The following CSMD1 variants were observed in gnomAD, a reference collection of about 807,000 sequenced individuals.
The protein encoded by CSMD1 is CUB and sushi domain-containing protein 1.
A neutral mutation model predicts 417.5 loss-of-function variants in CSMD1; 213 were observed. The ratio of observed to expected loss-of-function variants is 0.51; its 90% confidence interval spans 0.46 to 0.57. The LOEUF (loss-of-function observed/expected upper bound fraction) is 0.57, where lower values mean the gene tolerates loss of function less well. CSMD1 is among the 20% of genes least tolerant of loss of function. The pLI is 0.00. For missense variants in CSMD1, 6,923 were observed against 4,529.7 expected, an observed-to-expected ratio of 1.53 and a Z score of -15.17; for synonymous variants, 2,862 against 1,736.8, an observed-to-expected ratio of 1.65 and a Z score of -16.11.
intron 2 of CSMD1, among the ~76,000 whole-genome samples, chr8:4,502,308 A>C (rs958365111): frequency 6.6e-6 from 1 of 152,150 alleles, no homozygotes. Flanking sequence ...CAGTCTTTAC[A>C]GTAATACGAG....
chr8:4,849,361 T>G (rs1801330712), intron 1 of CSMD1, among the ~76,000 whole-genome samples: 4 of 152,090 alleles, frequency 2.6e-5, no homozygotes, highest in Admixed American at 1.3e-4. Context: ...TTTAATAAAC[T>G]GAAGTTAATT....
At chr8:4,876,761 G>A (rs1020176938) in intron 1 of CSMD1, among the ~76,000 whole-genome samples, 1 of 151,930 alleles carries the variant, frequency 6.6e-6, no homozygotes, top group East Asian at 1.9e-4. Context: ...GTTTACATCT[G>A]GAGTCATTTC....
At chr8:4,960,194 C>T (rs11136811) in intron 1 of CSMD1, among the ~76,000 whole-genome samples, 100,514 of 152,068 alleles carry the variant, frequency 0.66, 34,229 homozygotes, top group Non-Finnish European at 0.74. Flanking sequence ...ATCACTGTCT[C>T]AGGAAATCTT....
In CSMD1 at chr8:2,949,328, T is replaced by C. The variant is rs1057167365; in HGVS notation, c.10373A>G (p.Asp3458Gly). 6 of 1,608,244 alleles carry C rather than the reference T, an allele frequency of 3.7e-6. No individual in the cohort carries two copies. In the African/African-American group the frequency reaches 6.7e-5, roughly 18 times the overall value. ...FTFQGDIHGKDFGKFKLERQD... is the reference protein window; with the variant it reads ...FTFQGDIHGKGFGKFKLERQD... ...CCTTTCTAGCTTAAATTTTCCAAAG[T>C]CTTTTCCATGAATGTCACCTTGAAA... The change falls in exon 68 of 70, where the codon GAC (aspartate) becomes GGC (glycine). Residue 3458 changes from aspartate to glycine, a missense_variant. Transcript: ENST00000635120.
At chr8:4,126,163 AG>A (rs1468641312) in intron 3 of CSMD1, among the ~76,000 whole-genome samples, 1 of 152,084 alleles carries the variant, frequency 6.6e-6, no homozygotes, top group Admixed American at 6.5e-5. Context: ...CCACTTCCCA[AG>A]CCCCCACCCA....
intron 10 of CSMD1, among the ~76,000 whole-genome samples, chr8:3,532,520 C>A (rs965480009): frequency 2.6e-5 from 4 of 152,148 alleles, no homozygotes; most frequent in Non-Finnish European, 4.4e-5. Context: ...CTCAGATGAT[C>A]AGGACTTTAG....
chr8:3,549,734 A>T (rs2116770060), intron 10 of CSMD1, among the ~76,000 whole-genome samples: 1 of 152,290 alleles, frequency 6.6e-6, no homozygotes, highest in East Asian at 1.9e-4. Flanking sequence ...TCCCACCAGC[A>T]AGAAGGCGAT....
At chr8:4,150,850 T>C (rs1429402795) in intron 3 of CSMD1, among the ~76,000 whole-genome samples, 4 of 149,910 alleles carry the variant, frequency 2.7e-5, no homozygotes, top group African/African-American at 5.0e-5. Flanking sequence ...CTTAACAATA[T>C]GGATTATAAA....
At chr8:3,107,078 G>A (rs921431612) in intron 45 of CSMD1, 2 of 156,610 alleles carry the variant, frequency 1.3e-5, no homozygotes, top group Admixed American at 1.3e-4. Flanking sequence ...CAGAAATTGG[G>A]TCACGTAGTT....
intron 7 of CSMD1, among the ~76,000 whole-genome samples, chr8:3,679,510 T>A (rs563786865): frequency 6.6e-6 from 1 of 152,116 alleles, no homozygotes; most frequent in Non-Finnish European, 1.5e-5. Flanking sequence ...ATTCACCCAA[T>A]ACAGGAGCAC....
chr8:4,826,981 G>A (rs1438463155), intron 1 of CSMD1, among the ~76,000 whole-genome samples: 5 of 151,946 alleles, frequency 3.3e-5, no homozygotes, highest in South Asian at 2.1e-4. Flanking sequence ...TGAATACGAC[G>A]GTAAGAAATC....
chr8:3,536,520 G>C (rs182930523), intron 10 of CSMD1, among the ~76,000 whole-genome samples: 156 of 152,278 alleles, frequency 1.0e-3, no homozygotes, highest in African/African-American at 3.6e-3. Flanking sequence ...GGGTATCTTC[G>C]AGGATTGGCC....
chr8:4,919,275 T>A lies in CSMD1; in HGVS notation c.85+75057A>T, dbSNP rs1335551890. On this transcript the variant is annotated intron_variant, in intron 1 of 69. Coordinates refer to ENST00000635120, the MANE Select transcript of CSMD1 (RefSeq NM_033225.6). ...CTTGCCCAAAGGGAAAAAGAAGAGT[T>A]CTGTCAATTAGAGTATATTTAGAAC... is the stretch of plus-strand genomic sequence containing the variant. Among the ~76,000 whole-genome samples, 4 of 152,308 alleles carry A rather than the reference T, an allele frequency of 2.6e-5. No individual in the cohort carries two copies. The East Asian group carries it at 7.7e-4, about 29-fold the overall frequency.
At chr8:3,119,883 A>C (rs1346519943) in intron 41 of CSMD1, among the ~76,000 whole-genome samples, 1 of 152,216 alleles carries the variant, frequency 6.6e-6, no homozygotes, top group Non-Finnish European at 1.5e-5. Context: ...GTTTCAAAAT[A>C]GCATGAGGTC....
At chr8:3,761,243 ATGTG>A (rs1225667174) in intron 5 of CSMD1, among the ~76,000 whole-genome samples, 1 of 152,124 alleles carries the variant, frequency 6.6e-6, no homozygotes, top group African/African-American at 2.4e-5. Flanking sequence ...AAGAAGGTCT[ATGTG>A]TGTGTGTATA....
chr8:3,836,065 C>G (rs1411896698), intron 5 of CSMD1, among the ~76,000 whole-genome samples: 5 of 151,982 alleles, frequency 3.3e-5, no homozygotes, highest in Non-Finnish European at 7.4e-5. Flanking sequence ...TTTTCTATGT[C>G]TCTAATTTCT....
intron 1 of CSMD1, among the ~76,000 whole-genome samples, chr8:4,899,992 G>A (rs1399778735): frequency 1.3e-5 from 2 of 152,124 alleles, no homozygotes; most frequent in Non-Finnish European, 1.5e-5. Context: ...AGTCTAAGTA[G>A]GATGTCTGTT....
At chr8:3,283,814 A>T (rs1563223621) in intron 26 of CSMD1, among the ~76,000 whole-genome samples, 1 of 152,222 alleles carries the variant, frequency 6.6e-6, no homozygotes, top group Non-Finnish European at 1.5e-5. Context: ...CTCTAATCAT[A>T]CTTCTGCACG....
chr8:4,589,280 T>C lies in CSMD1; in HGVS notation c.302+48062A>G, dbSNP rs1585295590. On this transcript the variant is annotated intron_variant, in intron 2 of 69. Coordinates refer to ENST00000635120, the MANE Select transcript of CSMD1 (RefSeq NM_033225.6). ...TATTTCTAAATTTGTGTTTTGCCTC[T>C]GCATATATTATGCCAATAAGAATGA... Among the ~76,000 whole-genome samples the C allele has an allele frequency of 2.6e-5, 4 of 152,352 alleles. No homozygotes were observed. The East Asian group carries it at 5.8e-4, about 22-fold the overall frequency.
Sources: gnomAD v4.1 joint callset for allele counts (sites outside exome capture counted in the v4.1 genomes callset) on GRCh38, gnomAD v4.1.1 for gene constraint, MANE v1.5 for transcripts, NCBI Gene and HGNC (gene_info 2026-07-23, HGNC 2026-07-21) for gene names.